Variants in CEP112 observed in about 807,000 individuals in gnomAD.
CEP112 encodes centrosomal protein 112, also known as centrosomal protein of 112 kDa.
Under a neutral mutation model 153.0 loss-of-function variants are expected in CEP112, and 127 were observed. That is an observed-to-expected ratio of 0.83 (90% confidence interval 0.72 to 0.96). The LOEUF (loss-of-function observed/expected upper bound fraction) is 0.96. Among genes scored for constraint, CEP112 ranks in the 40% least tolerant of loss-of-function variants. CEP112 has a pLI of 0.00. For missense variants in CEP112, 1,089 were observed against 1,101.2 expected (o/e 0.99, Z 0.16); for synonymous variants, 358 against 374.4 (o/e 0.96, Z 0.51).
intron 16 of CEP112, among the ~76,000 whole-genome samples, chr17:66,017,748 T>C (rs12948513): frequency 0.41 from 62,414 of 151,828 alleles, 14,300 homozygotes; most frequent in East Asian, 0.87. Flanking sequence ...CACCTGCAAT[T>C]CCTGCACTTT....
chr17:66,164,305 C>G (rs2071835965), intron 4 of CEP112, among the ~76,000 whole-genome samples: 1 of 152,180 alleles, frequency 6.6e-6, no homozygotes, highest in African/African-American at 2.4e-5. Flanking sequence ...CGCCTGTAAT[C>G]CCAGCACTTT....
At chr17:65,642,052 G>A (rs916841365) in intron 24 of CEP112, among the ~76,000 whole-genome samples, 2 of 152,222 alleles carry the variant, frequency 1.3e-5, no homozygotes, top group African/African-American at 2.4e-5. Flanking sequence ...GAGTGAGAGG[G>A]TAGAAGAAAA....
chr17:65,970,449 ATTACAT>A (rs2062672442), intron 17 of CEP112, among the ~76,000 whole-genome samples: 2 of 59,812 alleles, frequency 3.3e-5, no homozygotes, highest in Non-Finnish European at 7.5e-5. Context: ...ATGCATGTAT[ATTACAT>A]GCATGCACAC....
intron 11 of CEP112, among the ~76,000 whole-genome samples, chr17:66,060,738 C>T (rs2066890315): frequency 6.6e-6 from 1 of 151,982 alleles, no homozygotes; most frequent in Admixed American, 6.6e-5. Flanking sequence ...TATTTCTCAC[C>T]ATACACAAAA....
intron 21 of CEP112, among the ~76,000 whole-genome samples, chr17:65,827,261 C>T (rs1208276635): frequency 5.9e-5 from 9 of 152,132 alleles, no homozygotes; most frequent in Admixed American, 2.0e-4. Flanking sequence ...TGTGGGACTT[C>T]ACCTTGTGAG....
chr17:65,946,117 C>T (rs2061641191), intron 18 of CEP112, among the ~76,000 whole-genome samples: 2 of 152,076 alleles, frequency 1.3e-5, no homozygotes, highest in African/African-American at 4.8e-5. Context: ...AATTATCTTC[C>T]CCAACCTGGA....
At chr17:66,034,352 T>C (rs575632870) in intron 12 of CEP112, among the ~76,000 whole-genome samples, 1 of 152,166 alleles carries the variant, frequency 6.6e-6, no homozygotes, top group African/African-American at 2.4e-5. Flanking sequence ...AAATCCAACA[T>C]AGAGGTAAAG....
chr17:65,799,358 T>C (rs2055126906), intron 21 of CEP112, among the ~76,000 whole-genome samples: 1 of 152,178 alleles, frequency 6.6e-6, no homozygotes, highest in Non-Finnish European at 1.5e-5. Context: ...CCCACATACA[T>C]CTCATTGTTG....
intron 25 of CEP112, among the ~76,000 whole-genome samples, chr17:65,639,746 A>T (rs1470553974): frequency 6.6e-6 from 1 of 151,442 alleles, no homozygotes; most frequent in South Asian, 2.1e-4. Context: ...CTTTCTCATG[A>T]TACCAACAAT....
intron 17 of CEP112, among the ~76,000 whole-genome samples, chr17:65,983,295 G>C (rs1308273046): frequency 6.6e-6 from 1 of 152,174 alleles, no homozygotes; most frequent in African/African-American, 2.4e-5. Flanking sequence ...AATGCCTACA[G>C]GGGCCAACTA....
intron 16 of CEP112, among the ~76,000 whole-genome samples, chr17:66,008,502 C>A (rs1402915269): frequency 1.3e-5 from 2 of 152,064 alleles, no homozygotes; most frequent in African/African-American, 4.8e-5. Context: ...TACAGGCATG[C>A]ACCACCACAC....
chr17:65,811,941 T>C (rs779573418), intron 21 of CEP112, among the ~76,000 whole-genome samples: 7 of 152,176 alleles, frequency 4.6e-5, no homozygotes, highest in Non-Finnish European at 7.3e-5. Flanking sequence ...TTTCTTTCCA[T>C]AATTAATACA....
chr17:65,665,803 TTGAC>T (rs2046662121), intron 24 of CEP112, among the ~76,000 whole-genome samples: 1 of 152,194 alleles, frequency 6.6e-6, no homozygotes, highest in South Asian at 2.1e-4. Flanking sequence ...AATAAATTAT[TTGAC>T]TGGGGCTGAG....
At chr17:65,763,421 C>A (rs1380140580) in intron 21 of CEP112, among the ~76,000 whole-genome samples, 1 of 149,940 alleles carries the variant, frequency 6.7e-6, no homozygotes, top group Non-Finnish European at 1.5e-5. Context: ...TTCTCTCTTT[C>A]TTCCCCTTCC....
chr17:65,689,185 G>C lies in CEP112; in HGVS notation c.2641C>G (p.Gln881Glu). The change falls in exon 24 of 27, where the codon CAG (glutamine) becomes GAG (glutamate). Residue 881 changes from glutamine (Q) to glutamate (E), a missense_variant. Physicochemically the swap from Gln to Glu is conservative, Grantham distance 29 (BLOSUM62 2). Coordinates refer to ENST00000535342, the MANE Select transcript of CEP112 (RefSeq NM_001199165.4). Reference protein sequence around the residue: ...LQDELENRSNQVRCAEKKLQH... With the variant: ...LQDELENRSNEVRCAEKKLQH... ...AATTTTTTCTCTGCACATCGCACCTGATTAGAACGGTTTTCTAATTCATCT... is the reference window on the plus strand; with the variant it reads ...AATTTTTTCTCTGCACATCGCACCTCATTAGAACGGTTTTCTAATTCATCT... The C allele has an allele frequency of 1.2e-6, 2 of 1,613,238 alleles. No homozygotes were observed. The highest frequency in any genetic ancestry group is 1.7e-6 in the Non-Finnish European group (2 of 1,179,244).
At chr17:66,175,971 G>T (rs1317345906) in intron 3 of CEP112, among the ~76,000 whole-genome samples, 2 of 152,138 alleles carry the variant, frequency 1.3e-5, no homozygotes, top group Non-Finnish European at 2.9e-5. Flanking sequence ...TCTTTAGGGA[G>T]GATGACACAA....
At chr17:65,738,180 G>A in intron 23 of CEP112, among the ~76,000 whole-genome samples, 1 of 152,110 alleles carries the variant, frequency 6.6e-6, no homozygotes, top group East Asian at 1.9e-4. Flanking sequence ...GCGCCACTAT[G>A]GTAAAAGGCC....
At chr17:66,082,106 G>C (rs2067744839) in intron 8 of CEP112, among the ~76,000 whole-genome samples, 1 of 152,124 alleles carries the variant, frequency 6.6e-6, no homozygotes, top group South Asian at 2.1e-4. Flanking sequence ...TTTTACCAAA[G>C]GAGCAATTTC....
chr17:66,057,401 T>C (rs1009130772), intron 11 of CEP112, among the ~76,000 whole-genome samples: 51 of 152,090 alleles, frequency 3.4e-4, no homozygotes, highest in Non-Finnish European at 5.3e-4. Flanking sequence ...CTCCATGGGA[T>C]AGGCATCTCC....
Sources: gnomAD v4.1 joint callset for allele counts (sites outside exome capture counted in the v4.1 genomes callset) on GRCh38, gnomAD v4.1.1 for gene constraint, MANE v1.5 for transcripts, NCBI Gene and HGNC (gene_info 2026-07-23, HGNC 2026-07-21) for gene names.